The following FAM168A variants were observed in gnomAD, a reference collection of about 807,000 sequenced individuals.
FAM168A encodes protein FAM168A.
A neutral mutation model predicts 28.5 loss-of-function variants in FAM168A; 3 were observed. The ratio of observed to expected loss-of-function variants is 0.11; its 90% confidence interval spans 0.05 to 0.27. The LOEUF is 0.27. Ranked by LOEUF, FAM168A falls within the 10% of genes least tolerant of loss-of-function variation. The pLI is 1.00. For missense variants in FAM168A, 222 were observed against 311.5 expected, an observed-to-expected ratio of 0.71 and a Z score of 2.16; for synonymous variants, 122 against 124.2, an observed-to-expected ratio of 0.98 and a Z score of 0.12.
intron 1 of FAM168A, among the ~76,000 whole-genome samples, chr11:73,476,066 C>T (rs1867883670): frequency 1.3e-5 from 2 of 152,146 alleles, no homozygotes; most frequent in African/African-American, 4.8e-5. Flanking sequence ...CATAGGATCC[C>T]TAGTGGTCTG....
chr11:73,444,819 A>G (rs1231413053), intron 2 of FAM168A, among the ~76,000 whole-genome samples: 1 of 152,208 alleles, frequency 6.6e-6, no homozygotes, highest in Non-Finnish European at 1.5e-5. Flanking sequence ...AAAACAATGT[A>G]TGTATGTTCA....
chr11:73,573,868 A>T (rs1381638221), intron 1 of FAM168A, among the ~76,000 whole-genome samples: 2 of 152,134 alleles, frequency 1.3e-5, no homozygotes, highest in Non-Finnish European at 2.9e-5. Flanking sequence ...AGGTGAGAGG[A>T]TCACTATGTC....
chr11:73,592,854 G>C (rs1261273937), intron 1 of FAM168A, among the ~76,000 whole-genome samples: 1 of 141,238 alleles, frequency 7.1e-6, no homozygotes, highest in Non-Finnish European at 1.5e-5. Context: ...GGACAACATA[G>C]CGAGACCCTG....
At chr11:73,550,660 TAAAC>T (rs1264278071) in intron 1 of FAM168A, among the ~76,000 whole-genome samples, 1 of 148,238 alleles carries the variant, frequency 6.7e-6, no homozygotes, top group African/African-American at 2.5e-5. Context: ...GTCTCAAAAA[TAAAC>T]AAACAATAAG....
intron 1 of FAM168A, among the ~76,000 whole-genome samples, chr11:73,471,773 A>C (rs1867817227): frequency 6.6e-6 from 1 of 152,214 alleles, no homozygotes; most frequent in Non-Finnish European, 1.5e-5. Context: ...CAAGAACAAC[A>C]AAAATTTCTG....
intron 1 of FAM168A, among the ~76,000 whole-genome samples, chr11:73,582,383 C>T (rs1449100869): frequency 2.6e-5 from 4 of 151,764 alleles, no homozygotes; most frequent in African/African-American, 7.3e-5. Context: ...ATTAGCCAGG[C>T]GTGGAGGCAC....
intron 1 of FAM168A, among the ~76,000 whole-genome samples, chr11:73,525,171 G>A (rs552420409): frequency 4.6e-5 from 7 of 151,918 alleles, no homozygotes; most frequent in Admixed American, 2.6e-4. Context: ...CATGCTAGAC[G>A]TTTTTCTCAA....
intron 6 of FAM168A, 104 bp from the exon 7 acceptor site, chr11:73,407,747 A>G: frequency 1.1e-6 from 1 of 903,160 alleles, no homozygotes; most frequent in Non-Finnish European, 1.7e-6. Flanking sequence ...CTCTGCCCAA[A>G]TCCCCCATCT....
intron 2 of FAM168A, among the ~76,000 whole-genome samples, chr11:73,467,457 T>C (rs1867752583): frequency 6.6e-6 from 1 of 152,088 alleles, no homozygotes; most frequent in South Asian, 2.1e-4. Context: ...TACCGAGTCC[T>C]ACTATGTGCC....
At chr11:73,477,962 T>TAGAC (rs146039976) in intron 1 of FAM168A, among the ~76,000 whole-genome samples, 4,663 of 145,528 alleles carry the variant, frequency 0.032, 230 homozygotes, top group African/African-American at 0.1. Context: ...GATAGATAGA[T>TAGAC]AGATAGATAA....
chr11:73,414,914 A>G (rs997181947), intron 4 of FAM168A, among the ~76,000 whole-genome samples: 5 of 152,186 alleles, frequency 3.3e-5, no homozygotes, highest in African/African-American at 1.2e-4. Context: ...TAACAGGCCA[A>G]AGATGCTGAT....
In FAM168A at chr11:73,405,398, C is replaced by T. The variant is rs1165603530; in HGVS notation, c.*1365G>A. 1.3e-5 allele frequency: 2 copies of T among 151,200 alleles called. No individual in the cohort carries two copies. Among genetic ancestry groups the T allele is most frequent in the Non-Finnish European group, 3.0e-5 (2 of 67,540 alleles). 9.4% of individuals were successfully genotyped at this position (151,200 alleles called of 1,614,324 possible). ...CAGACTCACCAGGTATGGGCGCTGC[C>T]GACTTAATTTTTACAAAACCAAGCC... On this transcript the variant is annotated 3_prime_UTR_variant, in exon 8 of 8. Coordinates refer to ENST00000356467, the MANE Select transcript of FAM168A (RefSeq NM_015159.3).
intron 2 of FAM168A, among the ~76,000 whole-genome samples, chr11:73,433,779 G>C (rs74785292): frequency 0.011 from 1,722 of 150,030 alleles, 38 homozygotes; most frequent in African/African-American, 0.04. Context: ...GTAAATCTCT[G>C]ACTGATTATT....
chr11:73,506,635 G>A (rs1855122981), intron 1 of FAM168A, among the ~76,000 whole-genome samples: 1 of 152,164 alleles, frequency 6.6e-6, no homozygotes, highest in African/African-American at 2.4e-5. Context: ...ATTAGAAGCA[G>A]AGAATAGACA....
rs185830036 is a variant in FAM168A at position 73,427,757 on chromosome 11, T to C, written c.151+2933A>G. Among the ~76,000 whole-genome samples the C allele has an allele frequency of 2.6e-4, 40 of 152,350 alleles. No individual in the cohort carries two copies. The East Asian group carries it at 7.3e-3, about 28-fold the overall frequency. On this transcript the variant is annotated intron_variant, in intron 3 of 7. Transcript: ENST00000356467. ...TATTTATTCCATGTCTTTCCACTTA[T>C]TGGCAAACTGATCCGAAACAATCCC...
At chr11:73,467,477 T>C (rs114293629) in intron 2 of FAM168A, among the ~76,000 whole-genome samples, 2,111 of 152,134 alleles carry the variant, frequency 0.014, 32 homozygotes, top group African/African-American at 0.041. Context: ...CAAGCAGAGA[T>C]AAAGTCTGTT....
At chr11:73,596,159 A>C (rs922078200) in intron 1 of FAM168A, among the ~76,000 whole-genome samples, 21 of 152,212 alleles carry the variant, frequency 1.4e-4, no homozygotes, top group African/African-American at 4.6e-4. Flanking sequence ...TACCTACAAA[A>C]TAAATTCAGT....
chr11:73,582,053 GA>G (rs773906452), intron 1 of FAM168A, among the ~76,000 whole-genome samples: 12 of 151,936 alleles, frequency 7.9e-5, no homozygotes, highest in Non-Finnish European at 1.3e-4. Context: ...ATTGCATCTG[GA>G]GCTCCTTGAA....
intron 1 of FAM168A, among the ~76,000 whole-genome samples, chr11:73,521,605 G>A (rs1257414651): frequency 2.6e-5 from 4 of 152,108 alleles, no homozygotes; most frequent in Non-Finnish European, 4.4e-5. Context: ...GTCTTTACCT[G>A]GATAAAACAA....
Sources: allele counts gnomAD v4.1 joint callset (sites outside exome capture counted in the v4.1 genomes callset), GRCh38; gene constraint gnomAD v4.1.1; transcripts MANE v1.5; gene names NCBI Gene and HGNC (gene_info 2026-07-23, HGNC 2026-07-21).